The following COBL variants were observed in gnomAD, a reference collection of about 807,000 sequenced individuals.
The protein encoded by COBL is protein cordon-bleu.
COBL carries 51 observed loss-of-function variants against 98.8 expected under a neutral mutation model. That is an observed-to-expected ratio of 0.52 (90% CI 0.41 to 0.65). The LOEUF is 0.65. Ranked by LOEUF, COBL falls within the 30% of genes least tolerant of loss-of-function variation. The pLI is 0.00. For synonymous variants in COBL, 634 were observed against 651.7 expected (o/e 0.97, Z 0.41); for missense variants, 1,617 against 1,617.5 (o/e 1.00, Z 0.01).
rs193260213 is a variant in COBL at position 51,112,541 on chromosome 7, T to G, written c.957+23617A>C. Among the ~76,000 whole-genome samples the G allele has an allele frequency of 8.5e-5, 13 of 152,358 alleles. No individual in the cohort carries two copies. In the East Asian group the frequency reaches 2.5e-3, roughly 29 times the overall value. On this transcript the variant is annotated intron_variant, in intron 6 of 12. Coordinates refer to ENST00000265136, the MANE Select transcript of COBL (RefSeq NM_015198.5). ...ATGCATAGGTTACAATATTCACTTC[T>G]GCACACAGATCTTTCAGGGAGTTTC...
chr7:51,312,203 A>G (rs2129220739), intron 1 of COBL, among the ~76,000 whole-genome samples: 1 of 151,950 alleles, frequency 6.6e-6, no homozygotes, highest in Non-Finnish European at 1.5e-5. Flanking sequence ...GGTGGTGCAC[A>G]CCTGTAAATC....
chr7:51,077,148 T>C (rs1361936391), intron 7 of COBL, among the ~76,000 whole-genome samples: 2 of 152,180 alleles, frequency 1.3e-5, no homozygotes, highest in South Asian at 2.1e-4. Flanking sequence ...CACAACTGTA[T>C]TGGTTTAGAC....
At chr7:51,184,373 G>A (rs1242928807) in intron 4 of COBL, among the ~76,000 whole-genome samples, 174 bp from the exon 5 acceptor site, 1 of 152,138 alleles carries the variant, frequency 6.6e-6, no homozygotes, top group African/African-American at 2.4e-5. Flanking sequence ...AAGTCCTCAG[G>A]TCCATTTGGG....
chr7:51,252,149 C>G (rs1683310748), intron 1 of COBL, among the ~76,000 whole-genome samples: 1 of 152,028 alleles, frequency 6.6e-6, no homozygotes, highest in South Asian at 2.1e-4. Flanking sequence ...GAACACTCTC[C>G]CCTGTGCTTT....
chr7:51,170,534 T>TATATATATATATAA (rs1315143701), intron 5 of COBL, among the ~76,000 whole-genome samples: 17 of 134,498 alleles, frequency 1.3e-4, no homozygotes, highest in African/African-American at 4.8e-4. Flanking sequence ...TATATATAAA[T>TATATATATATATAA]ATATATCACA....
chr7:51,264,672 CAAAAAAAAAA>C (rs5884201), intron 1 of COBL, among the ~76,000 whole-genome samples: 1 of 48,352 alleles, frequency 2.1e-5, no homozygotes, highest in Non-Finnish European at 4.6e-5. Flanking sequence ...CTCCATCTCC[CAAAAAAAAAA>C]AAAAAAAAAA....
chr7:51,081,327 G>A (rs1362623055), intron 7 of COBL, among the ~76,000 whole-genome samples: 1 of 152,214 alleles, frequency 6.6e-6, no homozygotes, highest in Middle Eastern at 3.2e-3. Flanking sequence ...GCCTGTACCT[G>A]GGGGAATGAA....
chr7:51,026,424 G>A, intron 11 of COBL, 122 bp downstream of exon 11: 1 of 1,346,092 alleles, frequency 7.4e-7, no homozygotes, highest in South Asian at 1.4e-5. Flanking sequence ...CCACTCTAAA[G>A]ACAGATGGTT....
chr7:51,098,244 T>C (rs1795491277), intron 6 of COBL, among the ~76,000 whole-genome samples: 1 of 143,638 alleles, frequency 7.0e-6, no homozygotes, highest in Non-Finnish European at 1.5e-5. Flanking sequence ...TTTGGAGAAA[T>C]AGGAAAAACA....
intron 5 of COBL, among the ~76,000 whole-genome samples, chr7:51,157,436 G>A (rs1047330140): frequency 5.3e-5 from 8 of 152,184 alleles, no homozygotes; most frequent in African/African-American, 1.9e-4. Flanking sequence ...CACCGGCAAG[G>A]GGTTCCTTGG....
chr7:51,300,645 G>A (rs1377847552), intron 1 of COBL, among the ~76,000 whole-genome samples: 1 of 152,146 alleles, frequency 6.6e-6, no homozygotes, highest in African/African-American at 2.4e-5. Context: ...ACGCGGTCTG[G>A]GGCTCATTGT....
chr7:51,180,826 G>A (rs1788874120), intron 5 of COBL, among the ~76,000 whole-genome samples: 1 of 152,186 alleles, frequency 6.6e-6, no homozygotes. Flanking sequence ...GTTCCCTAAT[G>A]GAATTCAGGT....
intron 6 of COBL, among the ~76,000 whole-genome samples, chr7:51,086,394 T>C (rs1436034271): frequency 7.0e-6 from 1 of 142,280 alleles, no homozygotes; most frequent in Admixed American, 7.1e-5. Context: ...AGAATGAACA[T>C]GGTGACTATC....
At chr7:51,153,526 A>G (rs1253557296) in intron 5 of COBL, among the ~76,000 whole-genome samples, 2 of 152,246 alleles carry the variant, frequency 1.3e-5, no homozygotes, top group Non-Finnish European at 2.9e-5. Context: ...TGAAGATTTC[A>G]TTGTGACTGC....
chr7:51,148,401 T>C (rs1050602647), intron 5 of COBL, among the ~76,000 whole-genome samples: 1 of 152,164 alleles, frequency 6.6e-6, no homozygotes. Context: ...AGCAAAACTA[T>C]AGGTGCTATT....
At chr7:51,208,571 C>G (rs1484857915) in intron 2 of COBL, among the ~76,000 whole-genome samples, 1 of 152,248 alleles carries the variant, frequency 6.6e-6, no homozygotes, top group Non-Finnish European at 1.5e-5. Context: ...TGCCCAGCGG[C>G]TCATTGAGAA....
chr7:51,021,380 AAGCTCAGTGGTATGATCAT>A (rs1328156209), intron 12 of COBL: 1 of 152,200 alleles, frequency 6.6e-6, no homozygotes, highest in Non-Finnish European at 1.5e-5. Flanking sequence ...AGGCTGATGC[AAGCTCAGTGGTATGATCAT>A]AGCTCACTAC....
intron 6 of COBL, among the ~76,000 whole-genome samples, chr7:51,102,579 G>A (rs1387790697): frequency 2.6e-5 from 4 of 152,092 alleles, no homozygotes; most frequent in African/African-American, 9.7e-5. Context: ...CCTTTCATCT[G>A]TACACATACA....
rs1803623352 is a variant in COBL at position 51,316,568 on chromosome 7, C to A, written c.41+25G>T. On this transcript the variant is annotated intron_variant, in intron 1 of 12. Coordinates refer to ENST00000265136, the MANE Select transcript of COBL (RefSeq NM_015198.5). ...GAGCCCAGGGAAGCCCCCTCTCCAC[C>A]CCGCCCGACCGCGGGGCCGCTTACC... 3.3e-6 allele frequency: 4 copies of A among 1,209,102 alleles called. No individual in the cohort carries two copies. The South Asian group carries it at 1.6e-4, about 47-fold the overall frequency. 74.9% of individuals were successfully genotyped at this position (1,209,102 alleles called of 1,614,324 possible).
Sources: gnomAD v4.1 joint callset for allele counts (sites outside exome capture counted in the v4.1 genomes callset) on GRCh38, gnomAD v4.1.1 for gene constraint, MANE v1.5 for transcripts, NCBI Gene and HGNC (gene_info 2026-07-23, HGNC 2026-07-21) for gene names.